The following HMGCS2 variants were observed in gnomAD, a reference collection of about 807,000 sequenced individuals.
HMGCS2 encodes hydroxymethylglutaryl-CoA synthase, mitochondrial.
Under a neutral mutation model 57.4 loss-of-function variants are expected in HMGCS2, and 50 were observed. The ratio of observed to expected loss-of-function variants is 0.87; its 90% confidence interval spans 0.69 to 1.10. The LOEUF (loss-of-function observed/expected upper bound fraction) is 1.10. Among genes scored for constraint, HMGCS2 ranks in the 50% least tolerant of loss-of-function variants. The pLI is 0.00. For missense variants in HMGCS2, 627 were observed against 636.5 expected (o/e 0.99, Z 0.16); for synonymous variants, 254 against 245.1 (o/e 1.04, Z -0.34).
Position 119,759,722 on chromosome 1 carries a change from T to G in HMGCS2, c.685+142A>C, listed in dbSNP as rs765433107. On this transcript the variant is annotated intron_variant, in intron 3 of 9. Coordinates refer to ENST00000369406, the MANE Select transcript of HMGCS2 (RefSeq NM_005518.4). Reference sequence around the variant, plus strand: ...TTTCTCCTCTCCTCCCTCTGCTCCATAGACCAGCCCTTTTTAGAGGCAAGC... The same window carrying G: ...TTTCTCCTCTCCTCCCTCTGCTCCAGAGACCAGCCCTTTTTAGAGGCAAGC... The G allele has an allele frequency of 2.2e-5, 22 of 992,074 alleles. No homozygotes were observed. The East Asian group carries it at 5.4e-4, about 25-fold the overall frequency. The allele number at this position is 992,074 out of a possible 1,614,324, so 61.5% of individuals were successfully genotyped here. A position where few individuals can be genotyped will look rare whatever the true frequency, so the allele number is the denominator to read the frequency against.
intron 2 of HMGCS2, among the ~76,000 whole-genome samples, chr1:119,763,709 A>G (rs1306506648): frequency 6.6e-6 from 1 of 152,230 alleles, no homozygotes. Context: ...CTCACAGTCT[A>G]TCTTGTGGTT....
intron 9 of HMGCS2, among the ~76,000 whole-genome samples, chr1:119,749,503 T>C (rs1652577980): frequency 1.3e-5 from 2 of 151,730 alleles, no homozygotes; most frequent in Non-Finnish European, 2.9e-5. Context: ...ATTTCCAACA[T>C]GCACACAGGC....
rs587712415 is a variant in HMGCS2, at chr1:119,768,795, G to A, written c.50C>T (p.Ala17Val). 3.0e-5 allele frequency: 49 copies of A among 1,613,922 alleles called. No homozygotes were observed. The highest frequency in any genetic ancestry group is 3.6e-5 in the Non-Finnish European group (43 of 1,179,966). The stretch of plus-strand genomic sequence containing the variant: ...AGGTGTGAGGGAGGTTTCCTGCACC[G>A]CTCTTGTCAGTTGCAGAATGCGCTT... The part of the protein sequence containing the change: ...PVKRILQLTR[A>V]VQETSLTPAR... Residue 17 changes from alanine to valine, a missense_variant, in exon 1 of 10, where the codon GCG becomes GTG. By Grantham distance (64) the Ala-to-Val change is moderately conservative. Coordinates refer to ENST00000369406, the MANE Select transcript of HMGCS2 (RefSeq NM_005518.4).
At chr1:119,761,706 A>T (rs1177479766) in intron 2 of HMGCS2, among the ~76,000 whole-genome samples, 1 of 152,080 alleles carries the variant, frequency 6.6e-6, no homozygotes, top group East Asian at 1.9e-4. Flanking sequence ...CAGAGGTTGC[A>T]GTGAGCTGAG....
Position 119,752,592 on chromosome 1 carries a change from C to G in HMGCS2, c.1377G>C (p.Glu459Asp), listed in dbSNP as rs754421987. The change falls in exon 8 of 10, where the codon GAG becomes GAC. Residue 459 changes from glutamate to aspartate, a missense_variant. Coordinates refer to ENST00000369406, the MANE Select transcript of HMGCS2 (RefSeq NM_005518.4). Reference protein sequence around the residue: ...LASRKCVSPEEFTEIMNQREQ... With the variant: ...LASRKCVSPEDFTEIMNQREQ... ...CTCTTTGGTTCATTATTTCTGTGAA[C>G]TCCTCAGGAGACACACACTTTCGGG... 8.1e-6 allele frequency: 13 copies of G among 1,614,120 alleles called. No homozygotes were observed. Among genetic ancestry groups the G allele is most frequent in the Non-Finnish European group, 1.1e-5 (13 of 1,179,986 alleles).
At position 119,753,384 on chromosome 1, in the gene HMGCS2, T is replaced by TG; in HGVS notation, c.1189dup (p.His397ProfsTer62). The TG allele has an allele frequency of 6.3e-7, 1 of 1,581,776 alleles. No homozygotes were observed. Among genetic ancestry groups the TG allele is most frequent in the African/African-American group, 1.4e-5 (1 of 73,554 alleles). ...GGAGCCAGCCAGTTCTTGGGCAGAG[T>TG]GGCTGTGGGGAAAGAAATCAAATAA... On this transcript the variant is annotated frameshift_variant and splice_region_variant, in exon 7 of 10. Coordinates refer to ENST00000369406, the MANE Select transcript of HMGCS2 (RefSeq NM_005518.4). LOFTEE classifies it high-confidence loss of function.
intron 4 of HMGCS2, 103 bp from the exon 5 acceptor site, chr1:119,757,541 G>T: frequency 1.3e-6 from 2 of 1,581,788 alleles, no homozygotes; most frequent in East Asian, 4.5e-5. Context: ...GCCTCCCAGG[G>T]AACTACTTCC....
At chr1:119,750,746 A>G in intron 9 of HMGCS2, 51 bp downstream of exon 9, 2 of 1,169,888 alleles carry the variant, frequency 1.7e-6, no homozygotes, top group South Asian at 2.5e-5. Context: ...GTTGTTACTC[A>G]GAGGAAGACA....
rs1286156922 is a variant in HMGCS2 at position 119,750,894 on chromosome 1, G to T, written c.1435C>A (p.Pro479Thr). 5.0e-6 allele frequency: 8 copies of T among 1,610,522 alleles called. No individual in the cohort carries two copies. Among genetic ancestry groups the T allele is most frequent in the Non-Finnish European group, 6.8e-6 (8 of 1,176,722 alleles). Residue 479 changes from proline (P) to threonine (T), a missense_variant, in exon 9 of 10, where the codon CCT becomes ACT. Physicochemically the swap from Pro to Thr is conservative, Grantham distance 38. Transcript: ENST00000369406. The part of the protein sequence containing the change: ...QFYHKVNFSP[P>T]GDTNSLFPGT... The stretch of plus-strand genomic sequence containing the variant: ...GGGAAAAGGCTGTTTGTGTCACCAG[G>T]TGGGGAGAAATTCACTGTGGAATGA...
Position 119,768,833 on chromosome 1 carries a change from C to T in HMGCS2, c.12G>A (p.Leu4=). The stretch of plus-strand genomic sequence containing the variant: ...GCAGAATGCGCTTCACTGGAGTCAA[C>T]AGACGCTGCATCTCCAGAGGAGCAA... MQR[L]LTPVKRILQL... The change falls in exon 1 of 10, where the codon CTG becomes CTA. Residue 4 remains leucine, a synonymous_variant. Coordinates refer to ENST00000369406, the MANE Select transcript of HMGCS2 (RefSeq NM_005518.4). 6.2e-7 allele frequency: 1 copy of T among 1,613,446 alleles called. No individual in the cohort carries two copies. Among genetic ancestry groups the T allele is most frequent in the Non-Finnish European group, 8.5e-7 (1 of 1,179,446 alleles).
chr1:119,767,123 T>C (rs587604552), intron 1 of HMGCS2, among the ~76,000 whole-genome samples: 1 of 152,082 alleles, frequency 6.6e-6, no homozygotes, highest in African/African-American at 2.4e-5. Flanking sequence ...AACAAAGGGG[T>C]TGGACAAAGA....
chr1:119,767,465 T>A (rs764922257), intron 1 of HMGCS2, among the ~76,000 whole-genome samples: 1 of 151,988 alleles, frequency 6.6e-6, no homozygotes, highest in African/African-American at 2.4e-5. Context: ...AGGGAGACAA[T>A]ATGTGAGAAA....
Position 119,757,274 on chromosome 1 carries a change from C to T in HMGCS2, c.1015G>A (p.Gly339Arg), listed in dbSNP as rs775277893. ...AGGCTCCCCAAGAAGAGAACTCACC[C>T]GAAAGCCTCCAGCCCCTTATATAAG... ...TSLYKGLEAFGGLKLEDTYTN... is the reference protein window; with the variant it reads ...TSLYKGLEAFRGLKLEDTYTN... The change falls in exon 5 of 10, where the codon GGG (glycine) becomes AGG (arginine). Residue 339 changes from glycine (G) to arginine (R), a missense_variant and splice_region_variant. Gly to Arg is a moderately radical substitution (Grantham distance 125). Transcript: ENST00000369406. 12 of 1,613,988 alleles carry T rather than the reference C, an allele frequency of 7.4e-6. No individual in the cohort carries two copies. Among genetic ancestry groups the T allele is most frequent in the East Asian group, 4.5e-5 (2 of 44,890 alleles).
At chr1:119,766,756 C>G (rs1189788526) in intron 1 of HMGCS2, among the ~76,000 whole-genome samples, 1 of 151,896 alleles carries the variant, frequency 6.6e-6, no homozygotes, top group Non-Finnish European at 1.5e-5. Context: ...CCCTTTCTTC[C>G]CAGTTAGAAA....
At chr1:119,762,839 G>A (rs79866471) in intron 2 of HMGCS2, among the ~76,000 whole-genome samples, 3 of 152,218 alleles carry the variant, frequency 2.0e-5, no homozygotes, top group African/African-American at 7.2e-5. Context: ...GGAATACCCA[G>A]CCCCTCAGAA....
Position 119,759,278 on chromosome 1 carries a change from C to G in HMGCS2, c.690G>C (p.Leu230=). 6.2e-7 allele frequency: 1 copy of G among 1,613,804 alleles called. No individual in the cohort carries two copies. The highest frequency in any genetic ancestry group is 1.1e-5 in the South Asian group (1 of 91,074). Residue 230 remains leucine, a synonymous_variant, in exon 4 of 10, where the codon CTG becomes CTC. Transcript: ENST00000369406. The part of the protein sequence containing the change: ...PKAPLALERG[L]RGTHMENVYD... ...ACACATTCTCCATATGGGTTCCCCT[C>G]AGCCCTGGAAAGGCACACAAAGTGT...
chr1:119,750,009 A>G (rs1382237512), intron 9 of HMGCS2, among the ~76,000 whole-genome samples: 1 of 152,206 alleles, frequency 6.6e-6, no homozygotes, highest in Non-Finnish European at 1.5e-5. Context: ...CATAAAGAAT[A>G]TCTCCCATTT....
chr1:119,764,301 C>G lies in HMGCS2; in HGVS notation c.430G>C (p.Val144Leu). ...IIDKSKAVKT[V>L]LMELFQDSGN... The stretch of plus-strand genomic sequence containing the variant: ...GAATCCTGGAAGAGTTCCATGAGCA[C>G]TGTTTTGACAGCTTTGGACTTGTCA... Residue 144 changes from valine (V) to leucine (L), a missense_variant, in exon 2 of 10, where the codon GTG (valine) becomes CTG (leucine). Transcript: ENST00000369406. The G allele has an allele frequency of 6.2e-7, 1 of 1,614,224 alleles. No homozygotes were observed. The highest frequency in any genetic ancestry group is 8.5e-7 in the Non-Finnish European group (1 of 1,180,052).
intron 4 of HMGCS2, among the ~76,000 whole-genome samples, chr1:119,758,706 T>C (rs1215268224): frequency 2.0e-5 from 3 of 152,114 alleles, no homozygotes; most frequent in Admixed American, 1.3e-4. Flanking sequence ...AAAATATAGG[T>C]ATGATTTCTC....
Sources: gnomAD v4.1 joint callset for allele counts (sites outside exome capture counted in the v4.1 genomes callset) on GRCh38, gnomAD v4.1.1 for gene constraint, MANE v1.5 for transcripts, NCBI Gene and HGNC (gene_info 2026-07-23, HGNC 2026-07-21) for gene names.